The following PSMA1 variants were observed in gnomAD, a reference collection of about 807,000 sequenced individuals.
PSMA1 encodes proteasome 20S subunit alpha 1.
PSMA1 carries 3 observed loss-of-function variants against 38.4 expected under a neutral mutation model. The ratio of observed to expected loss-of-function variants is 0.08; its 90% confidence interval spans 0.04 to 0.20. The LOEUF is 0.20. Ranked by LOEUF, PSMA1 falls within the 10% of genes least tolerant of loss-of-function variation. The pLI is 1.00. For missense variants in PSMA1, 227 were observed against 325.3 expected (o/e 0.70, Z 2.32); for synonymous variants, 101 against 107.1 (o/e 0.94, Z 0.35).
intron 1 of PSMA1, among the ~76,000 whole-genome samples, chr11:14,629,890 TG>T (rs1346507289): frequency 9.9e-5 from 15 of 152,138 alleles, no homozygotes; most frequent in Non-Finnish European, 2.1e-4. Flanking sequence ...TCACATCCCT[TG>T]TAAGTTGGAT....
chr11:14,562,281 A>C (rs1852018171), intron 2 of PSMA1, among the ~76,000 whole-genome samples: 1 of 152,182 alleles, frequency 6.6e-6, no homozygotes, highest in African/African-American at 2.4e-5. Flanking sequence ...GTTCTCTGTT[A>C]CTGTCATTAG....
At chr11:14,604,453 T>TA in intron 2 of PSMA1, among the ~76,000 whole-genome samples, 1 of 152,252 alleles carries the variant, frequency 6.6e-6, no homozygotes, top group African/African-American at 2.4e-5. Context: ...AAGATAAAAA[T>TA]ATTTGGGGCA....
chr11:14,570,961 C>T (rs992623878), intron 2 of PSMA1, among the ~76,000 whole-genome samples: 8 of 152,154 alleles, frequency 5.3e-5, no homozygotes, highest in East Asian at 3.9e-4. Context: ...AGAGAAAGGT[C>T]GGGTTACCCA....
chr11:14,607,485 A>G (rs956358600), intron 2 of PSMA1, among the ~76,000 whole-genome samples: 9 of 152,204 alleles, frequency 5.9e-5, no homozygotes, highest in African/African-American at 2.2e-4. Flanking sequence ...AGATAAATTA[A>G]CTTGTAGGCA....
intron 1 of PSMA1, among the ~76,000 whole-genome samples, chr11:14,633,801 A>G (rs375822322): frequency 1.3e-3 from 202 of 152,230 alleles, no homozygotes; most frequent in South Asian, 6.2e-3. Flanking sequence ...CTCTGTGGGC[A>G]TAGGACCCTC....
At chr11:14,633,745 C>T (rs1419671049) in intron 1 of PSMA1, among the ~76,000 whole-genome samples, 4 of 152,162 alleles carry the variant, frequency 2.6e-5, no homozygotes, top group East Asian at 1.9e-4. Context: ...GCCTAACTGC[C>T]GCCTTGCAGT....
intron 1 of PSMA1, among the ~76,000 whole-genome samples, chr11:14,633,256 A>G (rs1157269672): frequency 6.6e-6 from 1 of 151,830 alleles, no homozygotes; most frequent in East Asian, 1.9e-4. Flanking sequence ...TTTTTTCCCC[A>G]TCTTTGTGGT....
At chr11:14,609,086 C>T (rs1319332396) in intron 2 of PSMA1, among the ~76,000 whole-genome samples, 5 of 152,138 alleles carry the variant, frequency 3.3e-5, no homozygotes, top group African/African-American at 9.7e-5. Context: ...TCATGATCCC[C>T]ACTTAATAAA....
chr11:14,586,673 G>A lies in PSMA1; in HGVS notation c.21+24293C>T, dbSNP rs1251976734. On this transcript the variant is annotated intron_variant, in intron 2 of 10. Transcript: ENST00000418988. ...ACCCTCTTCTTTTCACCCATAGAAA[G>A]TCTACCTTTTTTTAGGAATTGGTAT... Among the ~76,000 whole-genome samples the A allele has an allele frequency of 2.6e-5, 4 of 152,176 alleles. No individual in the cohort carries two copies. The East Asian group carries it at 5.8e-4, about 22-fold the overall frequency.
At chr11:14,587,174 T>C (rs1487116230) in intron 2 of PSMA1, among the ~76,000 whole-genome samples, 2 of 152,240 alleles carry the variant, frequency 1.3e-5, no homozygotes, top group Non-Finnish European at 2.9e-5. Context: ...CTCTTCTCTG[T>C]TGCTGCCTCT....
At chr11:14,525,368 T>C (rs1474130593), upstream of PSMA1, among the ~76,000 whole-genome samples, 2 of 152,028 alleles carry the variant, frequency 1.3e-5, no homozygotes, top group African/African-American at 2.4e-5. Context: ...AGGACACCTC[T>C]ACTCCCTCCT....
At chr11:14,535,751 G>A (rs1369785542) in intron 2 of PSMA1, among the ~76,000 whole-genome samples, 2 of 151,884 alleles carry the variant, frequency 1.3e-5, no homozygotes, top group African/African-American at 4.8e-5. Context: ...GGCCATTCAT[G>A]GGAAAATTTC....
chr11:14,626,866 T>C (rs1249169579), intron 1 of PSMA1, among the ~76,000 whole-genome samples: 1 of 152,200 alleles, frequency 6.6e-6, no homozygotes, highest in Non-Finnish European at 1.5e-5. Flanking sequence ...TGTATTACTC[T>C]ACTAGGGCTT....
Position 14,520,345 on chromosome 11 carries a change from CAAG to C in PSMA1, c.-49_-47del. 1 of 1,614,236 alleles carries C rather than the reference CAAG, an allele frequency of 6.2e-7. No homozygotes were observed. Among genetic ancestry groups the C allele is most frequent in the Non-Finnish European group, 8.5e-7 (1 of 1,180,024 alleles). On this transcript the variant is annotated 5_prime_UTR_variant, in exon 1 of 10. Transcript: ENST00000396394. The stretch of plus-strand genomic sequence containing the variant: ...TGCGGCCTCCAGCAAAACTGAGAAT[CAAG>C]GAGGTGCTGCCGAAAGTATCGCTCA...
chr11:14,576,377 T>TA (rs1418868240), intron 2 of PSMA1, among the ~76,000 whole-genome samples: 3 of 152,230 alleles, frequency 2.0e-5, no homozygotes, highest in African/African-American at 7.2e-5. Context: ...TGAATGGTAT[T>TA]GCCTAGGTTT....
intron 1 of PSMA1, among the ~76,000 whole-genome samples, chr11:14,636,560 A>C (rs1190950712): frequency 6.6e-6 from 1 of 152,150 alleles, no homozygotes. Context: ...CCACTTCTCC[A>C]TATGTACTAC....
intron 2 of PSMA1, among the ~76,000 whole-genome samples, chr11:14,565,563 C>T (rs1852060566): frequency 6.6e-6 from 1 of 152,002 alleles, no homozygotes; most frequent in Non-Finnish European, 1.5e-5. Context: ...TAGAGAAAGC[C>T]TTAGTGTATC....
intron 2 of PSMA1, among the ~76,000 whole-genome samples, chr11:14,546,152 T>C (rs559205463): frequency 4.9e-4 from 59 of 121,234 alleles, no homozygotes; most frequent in East Asian, 1.8e-3. Flanking sequence ...CTCTCTCTCT[T>C]TTTTTTTTTT....
intron 2 of PSMA1, among the ~76,000 whole-genome samples, chr11:14,586,309 G>A (rs1852344499): frequency 6.6e-6 from 1 of 152,112 alleles, no homozygotes; most frequent in South Asian, 2.1e-4. Flanking sequence ...GCGCATGTCT[G>A]TAATCCCAGC....
Sources: gnomAD v4.1 joint callset for allele counts (sites outside exome capture counted in the v4.1 genomes callset) on GRCh38, gnomAD v4.1.1 for gene constraint, MANE v1.5 for transcripts, NCBI Gene and HGNC (gene_info 2026-07-23, HGNC 2026-07-21) for gene names.